Variants in SKAP1 observed in about 807,000 individuals in gnomAD.
SKAP1 encodes src kinase-associated phosphoprotein 1.
SKAP1 carries 44 observed loss-of-function variants against 58.5 expected under a neutral mutation model. The observed-to-expected ratio is 0.75, with a 90% CI of 0.59 to 0.97. The LOEUF is 0.97. Among genes scored for constraint, SKAP1 ranks in the 50% least tolerant of loss-of-function variants. The pLI, the probability that SKAP1 is intolerant of heterozygous loss-of-function variation, is 0.00. For synonymous variants in SKAP1, 127 were observed against 149.7 expected, an observed-to-expected ratio of 0.85 and a Z score of 1.11; for missense variants, 390 against 435.2, an observed-to-expected ratio of 0.90 and a Z score of 0.92.
At chr17:48,153,725 C>T (rs910327480) in intron 11 of SKAP1, among the ~76,000 whole-genome samples, 3 of 151,828 alleles carry the variant, frequency 2.0e-5, no homozygotes, top group African/African-American at 7.3e-5. Flanking sequence ...ACTGTTTGGG[C>T]AGCCTGTGCC....
chr17:48,276,062 C>T (rs1296685274), intron 4 of SKAP1, among the ~76,000 whole-genome samples: 1 of 151,964 alleles, frequency 6.6e-6, no homozygotes, highest in Non-Finnish European at 1.5e-5. Flanking sequence ...TTGATCAGTC[C>T]CCAATGTCTT....
chr17:48,275,805 C>T (rs2065692453), intron 4 of SKAP1, among the ~76,000 whole-genome samples: 1 of 152,184 alleles, frequency 6.6e-6, no homozygotes, highest in Non-Finnish European at 1.5e-5. Flanking sequence ...ATCTTTGAAT[C>T]ACTTGATTAA....
chr17:48,232,457 C>T (rs146452830), intron 4 of SKAP1, among the ~76,000 whole-genome samples: 2 of 152,258 alleles, frequency 1.3e-5, no homozygotes, highest in East Asian at 3.9e-4. Flanking sequence ...AGTTTATTTA[C>T]AGAAGTAACA....
chr17:48,184,534 G>A (rs1224614479), intron 7 of SKAP1, among the ~76,000 whole-genome samples, 189 bp downstream of exon 7: 1 of 152,204 alleles, frequency 6.6e-6, no homozygotes, highest in Admixed American at 6.5e-5. Flanking sequence ...TCTAAGATGA[G>A]AGTGGCAACA....
At chr17:48,250,585 A>G (rs1417939482) in intron 4 of SKAP1, among the ~76,000 whole-genome samples, 2 of 151,986 alleles carry the variant, frequency 1.3e-5, no homozygotes, top group Non-Finnish European at 2.9e-5. Context: ...CTGGCCATAG[A>G]TAGTTTTTTT....
chr17:48,346,108 GA>G (rs2066719764), intron 3 of SKAP1, 102 bp from the exon 4 acceptor site: 29 of 578,510 alleles, frequency 5.0e-5, no homozygotes, highest in South Asian at 1.4e-4. Context: ...TCCAGTATTC[GA>G]AAAAAAAGTG....
chr17:48,264,253 C>CAT (rs534929343), intron 4 of SKAP1, among the ~76,000 whole-genome samples: 17 of 151,474 alleles, frequency 1.1e-4, no homozygotes, highest in South Asian at 1.0e-3. Flanking sequence ...TATGTTTATA[C>CAT]ATATATATAT....
Position 48,395,732 on chromosome 17 carries a change from G to A in SKAP1, c.152+948C>T, listed in dbSNP as rs573416245. Among the ~76,000 whole-genome samples the A allele has an allele frequency of 7.2e-5, 11 of 152,308 alleles. No individual in the cohort carries two copies. In the South Asian group the frequency reaches 2.3e-3, roughly 32 times the overall value. On this transcript the variant is annotated intron_variant, in intron 2 of 12. Coordinates refer to ENST00000336915, the MANE Select transcript of SKAP1 (RefSeq NM_003726.4). ...CACAGTCCCCAGTTGCTGAGTAAAA[G>A]TGATGCTTAATTAGCCAGCAGGAAA...
At chr17:48,184,698 T>C in intron 7 of SKAP1, 25 bp downstream of exon 7, 2 of 1,613,516 alleles carry the variant, frequency 1.2e-6, no homozygotes. Flanking sequence ...CCAAGAAGGA[T>C]CACCATCTCC....
intron 4 of SKAP1, chr17:48,196,642 A>G (rs1598416761): frequency 2.0e-5 from 3 of 152,318 alleles, no homozygotes; most frequent in African/African-American, 7.2e-5. Context: ...TATAAGTGAG[A>G]AAATGCCATA....
intron 4 of SKAP1, among the ~76,000 whole-genome samples, chr17:48,280,840 A>G (rs2065757957): frequency 6.6e-6 from 1 of 152,152 alleles, no homozygotes; most frequent in Admixed American, 6.5e-5. Flanking sequence ...AGTTGTGTGT[A>G]TCAGTAGTTT....
the SKAP1 span, among the ~76,000 whole-genome samples, chr17:48,438,104 A>G: frequency 2.6e-5 from 4 of 152,184 alleles, no homozygotes; most frequent in African/African-American, 9.7e-5. Context: ...AGAGTATAGA[A>G]TGTAGTGGTC....
chr17:48,406,262 TCAAAAAAACAAACAAA>T (rs1334378857), intron 1 of SKAP1, among the ~76,000 whole-genome samples: 1 of 148,210 alleles, frequency 6.7e-6, no homozygotes, highest in Admixed American at 6.8e-5. Flanking sequence ...AGACTCCGTC[TCAAAAAAACAAACAAA>T]CAAAAAAACA....
At chr17:48,397,721 C>A (rs1030569337) in intron 1 of SKAP1, among the ~76,000 whole-genome samples, 2 of 152,048 alleles carry the variant, frequency 1.3e-5, no homozygotes, top group Non-Finnish European at 2.9e-5. Context: ...AATGACAATA[C>A]AACCAAGTGA....
At chr17:48,423,731 T>C (rs900998769) in intron 1 of SKAP1, among the ~76,000 whole-genome samples, 3 of 152,096 alleles carry the variant, frequency 2.0e-5, no homozygotes, top group African/African-American at 7.2e-5. Flanking sequence ...AAGTAAGAAA[T>C]GAACAAGTTA....
At chr17:48,221,223 C>T (rs1017140773) in intron 4 of SKAP1, among the ~76,000 whole-genome samples, 2 of 152,032 alleles carry the variant, frequency 1.3e-5, no homozygotes, top group Non-Finnish European at 2.9e-5. Context: ...GCCAAGATTG[C>T]ACCACTGCAC....
chr17:48,281,541 AC>A (rs779739701), intron 4 of SKAP1, among the ~76,000 whole-genome samples: 17 of 152,252 alleles, frequency 1.1e-4, no homozygotes, highest in Non-Finnish European at 2.4e-4. Flanking sequence ...TTAAAGAAAA[AC>A]CTTTATATTT....
At chr17:48,291,758 A>C (rs1422829509) in intron 4 of SKAP1, among the ~76,000 whole-genome samples, 1 of 152,004 alleles carries the variant, frequency 6.6e-6, no homozygotes, top group Admixed American at 6.6e-5. Flanking sequence ...TAATGCGCTA[A>C]AACAAGTCTG....
chr17:48,192,154 T>C (rs1297140784), intron 4 of SKAP1, among the ~76,000 whole-genome samples: 2 of 150,428 alleles, frequency 1.3e-5, no homozygotes, highest in South Asian at 2.1e-4. Context: ...CACAACAGCC[T>C]GGGGACAGAG....
Sources: allele counts gnomAD v4.1 joint callset (sites outside exome capture counted in the v4.1 genomes callset), GRCh38; gene constraint gnomAD v4.1.1; transcripts MANE v1.5; gene names NCBI Gene and HGNC (gene_info 2026-07-23, HGNC 2026-07-21).